The following PRH1 variants were observed in gnomAD, a reference collection of about 807,000 sequenced individuals.
PRH1 encodes proline rich protein HaeIII subfamily 1, also known as salivary acidic proline-rich phosphoprotein 1/2.
Under a neutral mutation model 7.9 loss-of-function variants are expected in PRH1, and 7 were observed. The ratio of observed to expected loss-of-function variants is 0.89; its 90% confidence interval spans 0.50 to 1.67. PRH1 has a LOEUF of 1.67. Ranked by LOEUF, PRH1 falls within the 40% of genes most tolerant of loss-of-function variation. PRH1 has a pLI of 0.00. For missense variants in PRH1, 109 were observed against 223.6 expected (o/e 0.49, Z 3.27); for synonymous variants, 45 against 80.8 (o/e 0.56, Z 2.38).
At chr12:11,155,688 T>C (rs1407458570) in intron 1 of PRH1, among the ~76,000 whole-genome samples, 1 of 152,208 alleles carries the variant, frequency 6.6e-6, no homozygotes, top group Non-Finnish European at 1.5e-5. Flanking sequence ...ATGTGGTTCA[T>C]TGCTTTCAAT....
chr12:11,142,345 C>A (rs902657165), intron 1 of PRH1, among the ~76,000 whole-genome samples: 1 of 152,126 alleles, frequency 6.6e-6, no homozygotes, highest in Non-Finnish European at 1.5e-5. Context: ...TGGAAAACCA[C>A]TCCTAAAATA....
At chr12:10,896,415 T>C (rs1949645379) in intron 2 of PRH1, among the ~76,000 whole-genome samples, 1 of 152,158 alleles carries the variant, frequency 6.6e-6, no homozygotes, top group African/African-American at 2.4e-5. Flanking sequence ...ATGCAAAGTT[T>C]AAGAAAATGG....
At chr12:10,981,256 TC>T (rs1415391552) in intron 1 of PRH1, among the ~76,000 whole-genome samples, 1 of 152,000 alleles carries the variant, frequency 6.6e-6, no homozygotes, top group Non-Finnish European at 1.5e-5. Context: ...AGAACACACG[TC>T]CATATTATCT....
At chr12:10,997,990 T>A in intron 1 of PRH1, 1 of 657,192 alleles carries the variant, frequency 1.5e-6, no homozygotes, top group Non-Finnish European at 2.5e-6. Context: ...CCAATAACAT[T>A]CTTTATACTT....
intron 2 of PRH1, among the ~76,000 whole-genome samples, chr12:10,892,366 CT>C (rs1256067119): frequency 1.3e-5 from 2 of 152,182 alleles, no homozygotes; most frequent in East Asian, 3.8e-4. Flanking sequence ...TCAGAAGTAA[CT>C]TTTTTAAAAA....
exon 1 of PRH1, chr12:11,047,166 C>T (rs769033256): frequency 1.2e-4 from 50 of 405,660 alleles, no homozygotes; most frequent in Non-Finnish European, 2.3e-4. Flanking sequence ...GCCCTTGGGG[C>T]CTTGAGCCAA....
intron 2 of PRH1, among the ~76,000 whole-genome samples, chr12:10,904,883 T>G (rs1949780291): frequency 6.6e-6 from 1 of 152,034 alleles, no homozygotes; most frequent in Non-Finnish European, 1.5e-5. Flanking sequence ...CAGGCACTTT[T>G]CAAAAGAAGA....
intron 1 of PRH1, among the ~76,000 whole-genome samples, chr12:11,003,621 T>C (rs1031219881): frequency 6.6e-6 from 1 of 151,882 alleles, no homozygotes; most frequent in African/African-American, 2.4e-5. Context: ...TTATGAGAAG[T>C]TATAATTTCT....
chr12:11,050,884 A>G (rs562751699), upstream of PRH1, among the ~76,000 whole-genome samples: 65 of 152,370 alleles, frequency 4.3e-4, no homozygotes, highest in African/African-American at 1.5e-3. Context: ...TGGTGAGTAC[A>G]CTGTTCCCAG....
At chr12:11,072,967 C>G (rs1278176896) in intron 1 of PRH1, among the ~76,000 whole-genome samples, 5 of 151,584 alleles carry the variant, frequency 3.3e-5, no homozygotes, top group African/African-American at 9.7e-5. Flanking sequence ...GTGCAATAAC[C>G]AGGAAATGGA....
intron 2 of PRH1, among the ~76,000 whole-genome samples, chr12:10,953,965 T>TGGAGGCCTATA (rs1937820790): frequency 6.6e-6 from 1 of 152,062 alleles, no homozygotes; most frequent in African/African-American, 2.4e-5. Flanking sequence ...ATTCAGAAAT[T>TGGAGGCCTATA]TTTTGAAAAA....
intron 2 of PRH1, among the ~76,000 whole-genome samples, chr12:10,916,441 A>G (rs183753148): frequency 6.6e-5 from 10 of 152,258 alleles, no homozygotes; most frequent in Admixed American, 6.5e-4. Context: ...TAGTTCTAAA[A>G]TTACATCTTT....
At chr12:11,064,373 C>A (rs2255418) in intron 1 of PRH1, among the ~76,000 whole-genome samples, 97 of 141,718 alleles carry the variant, frequency 6.8e-4, no homozygotes, top group Non-Finnish European at 7.9e-4. Flanking sequence ...CTTCTCTATA[C>A]TGTTCCATTG....
chr12:11,055,172 G>A (rs1220824354), intron 1 of PRH1, among the ~76,000 whole-genome samples: 2 of 151,642 alleles, frequency 1.3e-5, no homozygotes, highest in Admixed American at 6.6e-5. Flanking sequence ...GAGAAAATAT[G>A]ATTAGTTAAC....
At position 10,922,818 on chromosome 12, in the gene PRH1, A is replaced by ATTTTTTTT. The variant is rs1338757664; in HGVS notation, c.-58-38544_-58-38543insAAAAAAAA. On this transcript the variant is annotated intron_variant, in intron 2 of 3. Transcript: ENST00000539853. ...CATGATTATTGCATCTTTTCCATGA[A>ATTTTTTTT]TTTTTTCTTTTTCTTTTTTTTGAGA... 4.9e-4 allele frequency among the ~76,000 whole-genome samples: 8 copies of ATTTTTTTT among 16,490 alleles called. 2 individuals carry two copies. The highest frequency in any genetic ancestry group is 8.5e-4 in the African/African-American group (7 of 8,232). 10.8% of individuals were successfully genotyped at this position (16,490 alleles called of 152,430 possible).
intron 1 of PRH1, among the ~76,000 whole-genome samples, chr12:11,108,062 T>C (rs1326896244): frequency 6.6e-6 from 1 of 152,166 alleles, no homozygotes; most frequent in East Asian, 1.9e-4. Flanking sequence ...ACTTTCAGCC[T>C]AGAATAGTGT....
At chr12:10,985,199 G>A (rs755387128) in intron 1 of PRH1, among the ~76,000 whole-genome samples, 5 of 151,810 alleles carry the variant, frequency 3.3e-5, no homozygotes, top group African/African-American at 4.8e-5. Context: ...AAGTCATCAC[G>A]GTGTTTCTTT....
At chr12:11,084,957 G>C (rs1437266390) in intron 1 of PRH1, among the ~76,000 whole-genome samples, 1 of 111,200 alleles carries the variant, frequency 9.0e-6, no homozygotes, top group African/African-American at 3.0e-5. Context: ...GGATTACAGG[G>C]GCCTGCCATC....
intron 2 of PRH1, chr12:10,908,902 T>A (rs1358290362): frequency 6.2e-7 from 1 of 1,612,848 alleles, no homozygotes; most frequent in African/African-American, 1.3e-5. Flanking sequence ...CCTAGCAGTA[T>A]CATCAGAATC....
Sources: gnomAD v4.1 joint callset for allele counts (sites outside exome capture counted in the v4.1 genomes callset) on GRCh38, gnomAD v4.1.1 for gene constraint, MANE v1.5 for transcripts, NCBI Gene and HGNC (gene_info 2026-07-23, HGNC 2026-07-21) for gene names.